Variants in PRKCQ observed in about 807,000 individuals in gnomAD.
The protein encoded by PRKCQ is protein kinase C theta.
Under a neutral mutation model 91.2 loss-of-function variants are expected in PRKCQ, and 41 were observed. The ratio of observed to expected loss-of-function variants is 0.45; its 90% confidence interval spans 0.35 to 0.58. The LOEUF is 0.58. Ranked by LOEUF, PRKCQ falls within the 20% of genes least tolerant of loss-of-function variation. The pLI is 0.00. For missense variants in PRKCQ, 673 were observed against 896.5 expected (o/e 0.75, Z 3.18); for synonymous variants, 307 against 316.9 (o/e 0.97, Z 0.33).
chr10:6,497,304 C>A lies in PRKCQ; in HGVS notation c.543-53G>T. 2.5e-6 allele frequency: 4 copies of A among 1,604,314 alleles called. No individual in the cohort carries two copies. Among genetic ancestry groups the A allele is most frequent in the South Asian group, 1.1e-5 (1 of 90,806 alleles). On this transcript the variant is annotated intron_variant, in intron 5 of 17. Coordinates refer to ENST00000263125, the MANE Select transcript of PRKCQ (RefSeq NM_006257.5). This position sits in a 1 kb window ranked among gnomAD's most constrained non-coding sequence, Gnocchi z 4.5. ...TCAATGTTGGCATCAACATCAGCACCAACAGCATTTAAGAGATGGATGAGA... is the reference window on the plus strand; with the variant it reads ...TCAATGTTGGCATCAACATCAGCACAAACAGCATTTAAGAGATGGATGAGA...
At chr10:6,571,120 G>A (rs1841029772) in intron 1 of PRKCQ, among the ~76,000 whole-genome samples, 1 of 152,040 alleles carries the variant, frequency 6.6e-6, no homozygotes, top group Admixed American at 6.5e-5. Context: ...GATCCTAGAT[G>A]GAGTGGGAAG....
At chr10:6,402,874 C>T in the PRKCQ span, among the ~76,000 whole-genome samples, 1 of 152,208 alleles carries the variant, frequency 6.6e-6, no homozygotes, top group East Asian at 1.9e-4. Flanking sequence ...TGTGTCACTG[C>T]ACTCTAGCCT....
At chr10:6,511,276 C>T (rs1838464355) in intron 2 of PRKCQ, 82 bp from the exon 3 acceptor site, 1 of 1,287,122 alleles carries the variant, frequency 7.8e-7, no homozygotes, top group Non-Finnish European at 1.1e-6. Context: ...GTAGCACCTG[C>T]TCCCTCTGTT....
chr10:6,417,991 G>C, the PRKCQ span, among the ~76,000 whole-genome samples: 1 of 152,142 alleles, frequency 6.6e-6, no homozygotes, highest in Non-Finnish European at 1.5e-5. Context: ...CCATCTCCCA[G>C]AGGCGCGCCT....
intron 16 of PRKCQ, among the ~76,000 whole-genome samples, chr10:6,432,637 G>A (rs1339061608): frequency 6.6e-6 from 1 of 152,162 alleles, no homozygotes; most frequent in East Asian, 1.9e-4. Flanking sequence ...TAAGTTTTCT[G>A]AGTCTCAGTT....
At chr10:6,532,189 G>C (rs1839421508) in intron 1 of PRKCQ, among the ~76,000 whole-genome samples, 1 of 152,208 alleles carries the variant, frequency 6.6e-6, no homozygotes, top group African/African-American at 2.4e-5. Flanking sequence ...AGCATCCAGT[G>C]CAGTAGCTGG....
chr10:6,504,943 G>C (rs1838106574), intron 4 of PRKCQ, among the ~76,000 whole-genome samples: 2 of 151,332 alleles, frequency 1.3e-5, no homozygotes, highest in South Asian at 4.2e-4. Context: ...TCCCAGGCTG[G>C]AGTGCAGTGG....
chr10:6,535,609 T>C (rs1239945045), intron 1 of PRKCQ, among the ~76,000 whole-genome samples: 1 of 152,004 alleles, frequency 6.6e-6, no homozygotes, highest in African/African-American at 2.4e-5. Context: ...AAAACCAAAG[T>C]ATTCCAGACA....
intron 12 of PRKCQ, among the ~76,000 whole-genome samples, chr10:6,467,296 TGAGAGAGA>T (rs35362449): frequency 2.7e-5 from 3 of 111,858 alleles, no homozygotes; most frequent in Admixed American, 9.3e-5. Context: ...CCAAGCAGGC[TGAGAGAGA>T]GAGAGAGAGA....
In PRKCQ at chr10:6,430,983, C is replaced by G; in HGVS notation, c.1837-45G>C. ...GAGCCCTGAGGTCTCCAGGGATGAC[C>G]CTTTTGCATCAGGAGGTCGTGGTGC... On this transcript the variant is annotated intron_variant, in intron 16 of 17. Coordinates refer to ENST00000263125, the MANE Select transcript of PRKCQ (RefSeq NM_006257.5). The surrounding 1 kb of genome is among the most constrained non-coding windows in gnomAD (Gnocchi z 4.7). The G allele has an allele frequency of 6.3e-7, 1 of 1,592,818 alleles. No homozygotes were observed. The highest frequency in any genetic ancestry group is 8.6e-7 in the Non-Finnish European group (1 of 1,169,516).
intron 7 of PRKCQ, among the ~76,000 whole-genome samples, chr10:6,495,613 ATC>A (rs1241430606): frequency 2.6e-5 from 4 of 152,216 alleles, no homozygotes; most frequent in African/African-American, 9.6e-5. Context: ...GCTGTTTATT[ATC>A]TGTTTCTCCA....
At chr10:6,422,538 G>A (rs964047639), downstream of PRKCQ, among the ~76,000 whole-genome samples, 5 of 152,270 alleles carry the variant, frequency 3.3e-5, no homozygotes, top group East Asian at 7.7e-4. Flanking sequence ...GGAAAGATGT[G>A]TAATCTTTCC....
At chr10:6,458,766 T>G (rs1037002668) in intron 14 of PRKCQ, among the ~76,000 whole-genome samples, 3 of 152,182 alleles carry the variant, frequency 2.0e-5, no homozygotes, top group African/African-American at 7.2e-5. Context: ...CGTGAAAGCA[T>G]TGAAAGTGGC....
intron 16 of PRKCQ, among the ~76,000 whole-genome samples, chr10:6,437,825 T>C (rs1259440930): frequency 6.6e-6 from 1 of 152,018 alleles, no homozygotes; most frequent in African/African-American, 2.4e-5. Context: ...CTAATTTTTT[T>C]TGTATTTTTA....
chr10:6,496,216 CAAAAAAAAAA>C lies in PRKCQ; in HGVS notation c.660+809_660+818del, dbSNP rs199934718. 5.8e-4 allele frequency among the ~76,000 whole-genome samples: 55 copies of C among 94,206 alleles called. 1 individual carries two copies. The highest frequency in any genetic ancestry group is 6.2e-4 in the South Asian group (2 of 3,208). The allele number at this position is 94,206 out of a possible 152,430, so 61.8% of individuals were successfully genotyped here. A position where few individuals can be genotyped will look rare whatever the true frequency, so the allele number is the denominator to read the frequency against. On this transcript the variant is annotated intron_variant, in intron 7 of 17. Transcript: ENST00000263125. Reference sequence around the variant, plus strand: ...GGGTAAACAGAGTAAGATTCCATCTCAAAAAAAAAAAAAAAAAAAAAAAAATTGAAAAAAG... The same window carrying C: ...GGGTAAACAGAGTAAGATTCCATCTCAAAAAAAAAAAAAAATTGAAAAAAG...
chr10:6,444,583 A>ATAAT (rs1336251444), intron 15 of PRKCQ, among the ~76,000 whole-genome samples: 1 of 152,126 alleles, frequency 6.6e-6, no homozygotes, highest in African/African-American at 2.4e-5. Context: ...TGGAGAAGGA[A>ATAAT]TAATAGGATT....
Position 6,559,045 on chromosome 10 carries a change from T to C in PRKCQ, c.-10+21166A>G, listed in dbSNP as rs564767110. On this transcript the variant is annotated intron_variant, in intron 1 of 17. Coordinates refer to ENST00000263125, the MANE Select transcript of PRKCQ (RefSeq NM_006257.5). ...TGAGTGGGAATTAATCAGGCAATTC[T>C]TGGGGTTCTTTCTACTCATTGGCCT... Among the ~76,000 whole-genome samples, 9 of 152,304 alleles carry C rather than the reference T, an allele frequency of 5.9e-5. No individual in the cohort carries two copies. The East Asian group carries it at 1.7e-3, about 29-fold the overall frequency.
At chr10:6,521,802 G>A (rs1170523407) in intron 1 of PRKCQ, among the ~76,000 whole-genome samples, 1 of 152,128 alleles carries the variant, frequency 6.6e-6, no homozygotes, top group Non-Finnish European at 1.5e-5. Context: ...TCTGGATGCA[G>A]TCATTATCAT....
At chr10:6,419,890 T>C in the PRKCQ span, among the ~76,000 whole-genome samples, 7 of 152,222 alleles carry the variant, frequency 4.6e-5, no homozygotes, top group African/African-American at 1.7e-4. Flanking sequence ...GGTTTCGCCA[T>C]GTTGGCTGGG....
Sources: gnomAD v4.1 joint callset for allele counts (sites outside exome capture counted in the v4.1 genomes callset) on GRCh38, gnomAD v4.1.1 for gene constraint, Gnocchi (gnomAD v3.1) non-coding constraint, MANE v1.5 for transcripts, NCBI Gene and HGNC (gene_info 2026-07-23, HGNC 2026-07-21) for gene names.